The following ACACA variants were observed in gnomAD, a reference collection of about 807,000 sequenced individuals.
ACACA encodes the protein acetyl-CoA carboxylase 1.
A neutral mutation model predicts 296.1 loss-of-function variants in ACACA; 103 were observed. That is an observed-to-expected ratio of 0.35 (90% CI 0.30 to 0.41). The LOEUF is 0.41. ACACA is among the 10% of genes least tolerant of loss of function. The pLI, the probability that ACACA is intolerant of heterozygous loss-of-function variation, is 1.00. For missense variants in ACACA, 1,554 were observed against 2,989.7 expected (o/e 0.52, Z 11.20); for synonymous variants, 953 against 1,038.6 (o/e 0.92, Z 1.58).
intron 3 of ACACA, among the ~76,000 whole-genome samples, chr17:37,326,206 C>CAAA (rs773519168): frequency 1.3e-3 from 80 of 61,860 alleles, no homozygotes; most frequent in African/African-American, 4.0e-3. Context: ...AAGACTGTCT[C>CAAA]AAAAAAAAAA....
At chr17:37,199,570 G>T (rs186521119) in intron 35 of ACACA, among the ~76,000 whole-genome samples, 1 of 152,022 alleles carries the variant, frequency 6.6e-6, no homozygotes, top group Non-Finnish European at 1.5e-5. Flanking sequence ...CTGTTCCTAC[G>T]ATTAACATAA....
intron 29 of ACACA, among the ~76,000 whole-genome samples, chr17:37,218,032 A>G (rs1484204623): frequency 2.0e-5 from 3 of 151,982 alleles, no homozygotes; most frequent in East Asian, 3.8e-4. Flanking sequence ...TAAAGCATGC[A>G]TAAAATATTG....
intron 2 of ACACA, among the ~76,000 whole-genome samples, chr17:37,338,953 A>T (rs1411405995): frequency 6.6e-6 from 1 of 152,058 alleles, no homozygotes; most frequent in East Asian, 1.9e-4. Flanking sequence ...AGAAAAAAAA[A>T]AAGGAAGAAA....
chr17:37,087,792 T>C (rs954114370), intron 55 of ACACA, among the ~76,000 whole-genome samples: 2 of 152,114 alleles, frequency 1.3e-5, no homozygotes, highest in African/African-American at 4.8e-5. Flanking sequence ...ACCAATAATG[T>C]ATATATAAAA....
rs2078567132 is a variant in ACACA, at chr17:37,207,658, T to G, written c.3850A>C (p.Arg1284=). ...VSFRTFEDFV[R]IFDEVMGCFS... ...AGACATAGTTCCACAATGTCTTACC[T>G]GACAAAATCTTCAAAAGTCCGAAAA... Residue 1284 remains arginine (R), a splice_region_variant and synonymous_variant, in exon 31 of 56, where the codon AGG becomes CGG. Coordinates refer to ENST00000616317, the MANE Select transcript of ACACA (RefSeq NM_198834.3). 6.2e-7 allele frequency: 1 copy of G among 1,613,834 alleles called. No individual in the cohort carries two copies. Among genetic ancestry groups the G allele is most frequent in the South Asian group, 1.1e-5 (1 of 91,074 alleles).
At chr17:37,390,175 T>TATATATATACACACAC (rs60788220) in intron 1 of ACACA, among the ~76,000 whole-genome samples, 78 of 44,466 alleles carry the variant, frequency 1.8e-3, no homozygotes, top group Non-Finnish European at 2.6e-3. Flanking sequence ...TATATATATA[T>TATATATATACACACAC]ACACACACAC....
intron 52 of ACACA, among the ~76,000 whole-genome samples, chr17:37,107,688 C>T (rs1352403228): frequency 6.6e-6 from 1 of 152,246 alleles, no homozygotes; most frequent in Non-Finnish European, 1.5e-5. Context: ...GGAACAGGGC[C>T]ACAACTAAGA....
At chr17:37,119,861 T>G (rs929032063) in intron 50 of ACACA, among the ~76,000 whole-genome samples, 3 of 151,914 alleles carry the variant, frequency 2.0e-5, no homozygotes, top group African/African-American at 7.3e-5. Flanking sequence ...ACATTTTGTA[T>G]GTCTTAAGTA....
At chr17:37,240,735 A>T (rs1343436431) in intron 23 of ACACA, among the ~76,000 whole-genome samples, 171 bp from the exon 24 acceptor site, 1 of 152,208 alleles carries the variant, frequency 6.6e-6, no homozygotes, top group Non-Finnish European at 1.5e-5. Flanking sequence ...CCTAAAAGAA[A>T]TCTCACTATA....
intron 3 of ACACA, among the ~76,000 whole-genome samples, chr17:37,305,544 A>G (rs1184563639): frequency 6.6e-6 from 1 of 152,192 alleles, no homozygotes; most frequent in Non-Finnish European, 1.5e-5. Flanking sequence ...CAGGTTTTTC[A>G]AGTCTGCCCT....
chr17:37,347,294 C>T (rs1240108065), intron 1 of ACACA, among the ~76,000 whole-genome samples: 1 of 152,160 alleles, frequency 6.6e-6, no homozygotes, highest in African/African-American at 2.4e-5. Context: ...TCTCCCTGGC[C>T]ATATAGCACA....
chr17:37,198,180 CAT>C (rs1419254057), intron 35 of ACACA, among the ~76,000 whole-genome samples: 6 of 152,188 alleles, frequency 3.9e-5, no homozygotes, highest in Non-Finnish European at 7.4e-5. Context: ...TTATGTGTTA[CAT>C]ATATGAGAAA....
At chr17:37,237,723 T>C (rs1007885808) in intron 24 of ACACA, among the ~76,000 whole-genome samples, 1 of 152,072 alleles carries the variant, frequency 6.6e-6, no homozygotes, top group African/African-American at 2.4e-5. Context: ...TTTAGGTATA[T>C]ATTTTGTAAA....
chr17:37,253,866 G>A (rs1266587562), intron 14 of ACACA, among the ~76,000 whole-genome samples: 1 of 152,012 alleles, frequency 6.6e-6, no homozygotes, highest in East Asian at 1.9e-4. Context: ...AACTCTCTGG[G>A]TGCAGTCATA....
chr17:37,374,931 C>G (rs891539999), intron 1 of ACACA, among the ~76,000 whole-genome samples: 1 of 152,076 alleles, frequency 6.6e-6, no homozygotes, highest in African/African-American at 2.4e-5. Context: ...TGGGGTGGCT[C>G]ACGGCTGTAA....
chr17:37,281,519 T>C (rs922205830), intron 5 of ACACA, among the ~76,000 whole-genome samples: 3 of 152,120 alleles, frequency 2.0e-5, no homozygotes, highest in Middle Eastern at 3.2e-3. Flanking sequence ...TCAATCTCCA[T>C]GTTAAGTGAA....
In ACACA at chr17:37,260,288, ATATATATATTTTTT is replaced by A. The variant is rs2081433397; in HGVS notation, c.1330-772_1330-759del. Among the ~76,000 whole-genome samples, 8 of 24,044 alleles carry A rather than the reference ATATATATATTTTTT, an allele frequency of 3.3e-4. 1 individual carries two copies. The highest frequency in any genetic ancestry group is 9.5e-4 in the African/African-American group (5 of 5,256). The allele number at this position is 24,044 out of a possible 152,430, so 15.8% of individuals were successfully genotyped here. On this transcript the variant is annotated intron_variant, in intron 11 of 55. Transcript: ENST00000616317. ...TATATATATATATATATATATATAT[ATATATATATTTTTT>A]TTTTTTTTTTTTTTGGAGATGGAGT...
intron 1 of ACACA, among the ~76,000 whole-genome samples, chr17:37,390,083 GGAGTTTGAGAC>G (rs1202569004): frequency 9.5e-5 from 12 of 126,900 alleles, no homozygotes; most frequent in African/African-American, 3.7e-4. Context: ...CTAGAGTCCA[GGAGTTTGAGAC>G]CAGCCTAGGC....
intron 35 of ACACA, among the ~76,000 whole-genome samples, chr17:37,194,352 C>A (rs1037673992): frequency 2.6e-5 from 4 of 152,144 alleles, no homozygotes; most frequent in Non-Finnish European, 5.9e-5. Context: ...GACTGAAAAT[C>A]TTCTGGTGGC....
Sources: allele counts gnomAD v4.1 joint callset (sites outside exome capture counted in the v4.1 genomes callset), GRCh38; gene constraint gnomAD v4.1.1; transcripts MANE v1.5; gene names NCBI Gene and HGNC (gene_info 2026-07-23, HGNC 2026-07-21).